TOX: variants seen among roughly 807,000 people sequenced by gnomAD.
TOX encodes the protein thymocyte selection associated high mobility group box, also known as thymocyte selection-associated high mobility group box protein TOX.
In TOX, 11 loss-of-function variants were observed where a neutral mutation model predicts 53.7. The observed-to-expected ratio is 0.20, with a 90% CI of 0.13 to 0.34. TOX has a LOEUF of 0.34. Ranked by LOEUF, TOX falls within the 10% of genes least tolerant of loss-of-function variation. The pLI, the probability that TOX is intolerant of heterozygous loss-of-function variation, is 1.00. For missense variants in TOX, 570 were observed against 664.6 expected, an observed-to-expected ratio of 0.86 and a Z score of 1.56; for synonymous variants, 225 against 245.3, an observed-to-expected ratio of 0.92 and a Z score of 0.77.
At position 58,807,738 on chromosome 8, in the gene TOX, T is replaced by A; in HGVS notation, c.*9A>T. On this transcript the variant is annotated 3_prime_UTR_variant, in exon 9 of 9. Coordinates refer to ENST00000361421, the MANE Select transcript of TOX (RefSeq NM_014729.3). Reference sequence around the variant, plus strand: ...AATTCCTCAGTGGAAAGAAGAGGTGTTCAGATTCTCAAGTAAGGTACAGTG... The same window carrying A: ...AATTCCTCAGTGGAAAGAAGAGGTGATCAGATTCTCAAGTAAGGTACAGTG... 9 of 1,614,074 alleles carry A rather than the reference T, an allele frequency of 5.6e-6. No homozygotes were observed. The highest frequency in any genetic ancestry group is 7.6e-6 in the Non-Finnish European group (9 of 1,179,948).
intron 1 of TOX, among the ~76,000 whole-genome samples, chr8:58,977,720 C>A (rs1025467187): frequency 6.6e-6 from 1 of 151,976 alleles, no homozygotes; most frequent in African/African-American, 2.4e-5. Context: ...ATAGGGAGGT[C>A]TGAGGAGAGG....
At chr8:58,936,952 T>C (rs1290612576) in intron 3 of TOX, among the ~76,000 whole-genome samples, 1 of 152,228 alleles carries the variant, frequency 6.6e-6, no homozygotes, top group Non-Finnish European at 1.5e-5. Context: ...CCACATTTAA[T>C]AGCCAGTGAC....
intron 1 of TOX, among the ~76,000 whole-genome samples, chr8:59,006,654 T>C (rs1170178159): frequency 6.6e-6 from 1 of 152,212 alleles, no homozygotes. Context: ...TTTTACTAAA[T>C]ATTAGTAATA....
At chr8:59,049,839 T>C (rs1395579676) in intron 1 of TOX, among the ~76,000 whole-genome samples, 2 of 152,146 alleles carry the variant, frequency 1.3e-5, no homozygotes, top group African/African-American at 2.4e-5. Context: ...GTTTGAAATA[T>C]GAGTATTTAG....
chr8:58,964,993 T>C (rs1020109086), intron 1 of TOX, among the ~76,000 whole-genome samples: 3 of 152,120 alleles, frequency 2.0e-5, no homozygotes, highest in Non-Finnish European at 2.9e-5. Flanking sequence ...TTAGTAACTA[T>C]TGCAATAAAA....
In TOX at chr8:59,118,545, C is replaced by G. The variant is rs1805149649; in HGVS notation, c.102+341G>C. Among the ~76,000 whole-genome samples, 1 of 152,204 alleles carries G rather than the reference C, an allele frequency of 6.6e-6. No homozygotes were observed. The highest frequency in any genetic ancestry group is 2.1e-4 in the South Asian group (1 of 4,824). Reference sequence around the variant, plus strand: ...GAATTCTCTTACTCTGCCTCCGTTCCTGGACCCCAGACACACCCCCAAAGT... The same window carrying G: ...GAATTCTCTTACTCTGCCTCCGTTCGTGGACCCCAGACACACCCCCAAAGT... On this transcript the variant is annotated intron_variant, in intron 1 of 8. Transcript: ENST00000361421. This position sits in a 1 kb window ranked among gnomAD's most constrained non-coding sequence, Gnocchi z 4.1.
chr8:58,883,169 A>G (rs1413741899), intron 3 of TOX, among the ~76,000 whole-genome samples: 1 of 152,198 alleles, frequency 6.6e-6, no homozygotes. Context: ...ACAATGACAG[A>G]GTTTAAGTTC....
chr8:59,062,441 T>C (rs185282327), intron 1 of TOX, among the ~76,000 whole-genome samples: 1 of 152,354 alleles, frequency 6.6e-6, no homozygotes, highest in Non-Finnish European at 1.5e-5. Flanking sequence ...ATATTAATTT[T>C]ATAAATATGG....
intron 1 of TOX, among the ~76,000 whole-genome samples, chr8:59,039,568 T>C (rs1423080963): frequency 6.6e-6 from 1 of 152,196 alleles, no homozygotes; most frequent in Non-Finnish European, 1.5e-5. Context: ...GAATGCTCCC[T>C]CCTCTGTTCA....
chr8:59,061,574 C>T (rs1298904747), intron 1 of TOX, among the ~76,000 whole-genome samples: 1 of 152,112 alleles, frequency 6.6e-6, no homozygotes, highest in Non-Finnish European at 1.5e-5. Context: ...TTCCCCCACC[C>T]CATAGTCACT....
intron 1 of TOX, among the ~76,000 whole-genome samples, chr8:59,107,313 C>T (rs930190835): frequency 6.6e-6 from 1 of 152,094 alleles, no homozygotes; most frequent in Non-Finnish European, 1.5e-5. Context: ...GTACTCTGCT[C>T]ATAACTTAGT....
intron 1 of TOX, among the ~76,000 whole-genome samples, chr8:59,111,599 C>T (rs1805018084): frequency 2.0e-5 from 3 of 152,094 alleles, no homozygotes; most frequent in Admixed American, 1.3e-4. Context: ...CATACACATG[C>T]ACATACCCAT....
chr8:59,059,258 A>C (rs1803936788), intron 1 of TOX, among the ~76,000 whole-genome samples: 1 of 152,148 alleles, frequency 6.6e-6, no homozygotes, highest in South Asian at 2.1e-4. Context: ...ACATCACCAA[A>C]ATTAAAATAA....
chr8:59,104,923 G>A (rs1804871602), intron 1 of TOX, among the ~76,000 whole-genome samples: 1 of 152,056 alleles, frequency 6.6e-6, no homozygotes, highest in Non-Finnish European at 1.5e-5. Flanking sequence ...TTCCATGATA[G>A]TTATCTGTAT....
chr8:59,017,168 A>C (rs1014816492), intron 1 of TOX, among the ~76,000 whole-genome samples: 2 of 152,224 alleles, frequency 1.3e-5, no homozygotes, highest in African/African-American at 4.8e-5. Context: ...TATTACTAAC[A>C]TTCCGCAAGT....
At chr8:58,981,599 T>C (rs1813207167) in intron 1 of TOX, among the ~76,000 whole-genome samples, 1 of 152,192 alleles carries the variant, frequency 6.6e-6, no homozygotes, top group Non-Finnish European at 1.5e-5. Flanking sequence ...ATCTTTTCCG[T>C]TGAGTTTCCA....
At chr8:59,038,535 A>AGATT (rs1803513189) in intron 1 of TOX, among the ~76,000 whole-genome samples, 2 of 152,168 alleles carry the variant, frequency 1.3e-5, no homozygotes, top group South Asian at 4.1e-4. Flanking sequence ...TGTTTCAGAG[A>AGATT]GATTATACTA....
At chr8:58,895,348 G>T (rs564124383) in intron 3 of TOX, among the ~76,000 whole-genome samples, 150 of 152,220 alleles carry the variant, frequency 9.9e-4, no homozygotes, top group African/African-American at 3.3e-3. Context: ...AGATTATATA[G>T]TAGTTCTTTA....
At position 58,939,270 on chromosome 8, in the gene TOX, C is replaced by T. The variant is rs757362857; in HGVS notation, c.411+32G>A. The T allele has an allele frequency of 1.9e-6, 3 of 1,611,220 alleles. No homozygotes were observed. The South Asian group carries it at 3.3e-5, about 18-fold the overall frequency. On this transcript the variant is annotated intron_variant, in intron 3 of 8. Coordinates refer to ENST00000361421, the MANE Select transcript of TOX (RefSeq NM_014729.3). ...TCCTTGTCCTTATGGTATCCCTCAG[C>T]CCCCACCACAAACAGGTAAGCAGAT...
Sources: gnomAD v4.1 joint callset for allele counts (sites outside exome capture counted in the v4.1 genomes callset) on GRCh38, gnomAD v4.1.1 for gene constraint, Gnocchi (gnomAD v3.1) non-coding constraint, MANE v1.5 for transcripts, NCBI Gene and HGNC (gene_info 2026-07-23, HGNC 2026-07-21) for gene names.